SNX29: variants seen among roughly 807,000 people sequenced by gnomAD.
SNX29 encodes the protein sorting nexin 29, also known as sorting nexin-29.
Under a neutral mutation model 102.1 loss-of-function variants are expected in SNX29, and 78 were observed. That is an observed-to-expected ratio of 0.76 (90% CI 0.64 to 0.92). The LOEUF is 0.92. Ranked by LOEUF, SNX29 falls within the 40% of genes least tolerant of loss-of-function variation. SNX29 has a pLI of 0.00. For synonymous variants in SNX29, 580 were observed against 414.5 expected, an observed-to-expected ratio of 1.40 and a Z score of -4.85; for missense variants, 1,280 against 1,061.7, an observed-to-expected ratio of 1.21 and a Z score of -2.86.
Position 12,017,624 on chromosome 16 carries a change from T to C in SNX29, c.123-9696T>C, listed in dbSNP as rs142695589. On this transcript the variant is annotated intron_variant, in intron 3 of 20. Coordinates refer to ENST00000566228, the MANE Select transcript of SNX29 (RefSeq NM_032167.5). ...CATCTTATCCTCAGATTCTTCAGTA[T>C]TTTTCTCAGTTATTTTTACTGTAAA... is the stretch of plus-strand genomic sequence containing the variant. Among the ~76,000 whole-genome samples, 181 of 152,328 alleles carry C rather than the reference T, an allele frequency of 1.2e-3. 1 individual carries two copies. Among genetic ancestry groups the C allele is most frequent in the African/African-American group, 3.9e-3 (164 of 41,592 alleles).
chr16:12,337,080 C>T (rs1361350975), intron 15 of SNX29, among the ~76,000 whole-genome samples: 1 of 152,156 alleles, frequency 6.6e-6, no homozygotes, highest in East Asian at 1.9e-4. Context: ...TCTTGGGCAG[C>T]AGGTAGTGCT....
Position 12,216,163 on chromosome 16 carries a change from A to G in SNX29, c.1678+16480A>G, listed in dbSNP as rs936478440. Among the ~76,000 whole-genome samples, 6 of 152,382 alleles carry G rather than the reference A, an allele frequency of 3.9e-5. No individual in the cohort carries two copies. In the South Asian group the frequency reaches 1.2e-3, roughly 32 times the overall value. ...AAAATTATATTCATTATAGAAAATT[A>G]AAGAAGATAGACACAAGAGAAAAAG... On this transcript the variant is annotated intron_variant, in intron 14 of 20. Coordinates refer to ENST00000566228, the MANE Select transcript of SNX29 (RefSeq NM_032167.5).
chr16:12,435,311 T>C (rs2085488439), intron 18 of SNX29, among the ~76,000 whole-genome samples: 1 of 152,204 alleles, frequency 6.6e-6, no homozygotes, highest in African/African-American at 2.4e-5. Flanking sequence ...ACTTCTGCCT[T>C]ACAACTGTTT....
At chr16:12,478,395 A>T (rs2087755527) in intron 19 of SNX29, among the ~76,000 whole-genome samples, 1 of 152,054 alleles carries the variant, frequency 6.6e-6, no homozygotes, top group Admixed American at 6.6e-5. Flanking sequence ...TTCTCAGAGG[A>T]GTTTGTTGTT....
chr16:11,987,202 C>T (rs2055664096), intron 1 of SNX29, among the ~76,000 whole-genome samples: 1 of 151,782 alleles, frequency 6.6e-6, no homozygotes, highest in Non-Finnish European at 1.5e-5. Context: ...GAGGCTGGGA[C>T]TACAGGTGTG....
At chr16:12,215,623 C>T (rs1023408578) in intron 14 of SNX29, among the ~76,000 whole-genome samples, 2 of 152,122 alleles carry the variant, frequency 1.3e-5, no homozygotes, top group African/African-American at 2.4e-5. Flanking sequence ...GGCAGGTGGA[C>T]CTTGAGTCCT....
At chr16:12,548,092 T>C (rs1282469399) in intron 20 of SNX29, among the ~76,000 whole-genome samples, 1 of 152,212 alleles carries the variant, frequency 6.6e-6, no homozygotes, top group Non-Finnish European at 1.5e-5. Context: ...AAGATGTTGC[T>C]AAGGGACATT....
intron 15 of SNX29, among the ~76,000 whole-genome samples, chr16:12,338,902 A>G (rs1201347805): frequency 6.6e-6 from 1 of 152,250 alleles, no homozygotes; most frequent in Non-Finnish European, 1.5e-5. Context: ...CAGTGTTTCC[A>G]GATGGAGGAT....
At chr16:12,352,454 C>T (rs2082015797) in intron 15 of SNX29, among the ~76,000 whole-genome samples, 1 of 152,102 alleles carries the variant, frequency 6.6e-6, no homozygotes, top group Non-Finnish European at 1.5e-5. Context: ...CAACATGGCA[C>T]ATGTATACAT....
intron 15 of SNX29, among the ~76,000 whole-genome samples, chr16:12,313,155 A>G (rs1685638183): frequency 1.3e-5 from 2 of 151,794 alleles, no homozygotes; most frequent in African/African-American, 4.8e-5. Flanking sequence ...CTGGGACTAT[A>G]GGCGCCCACC....
intron 18 of SNX29, among the ~76,000 whole-genome samples, chr16:12,452,964 G>A (rs986967970): frequency 1.3e-5 from 2 of 152,268 alleles, no homozygotes; most frequent in East Asian, 1.9e-4. Flanking sequence ...GGTGGACTTC[G>A]TCTTGGCTAG....
At chr16:12,124,166 G>A (rs1008464638) in intron 11 of SNX29, among the ~76,000 whole-genome samples, 2 of 152,086 alleles carry the variant, frequency 1.3e-5, no homozygotes, top group African/African-American at 4.8e-5. Flanking sequence ...GACCAACCTG[G>A]CCAACATGGT....
chr16:12,210,043 C>G (rs1322584592), intron 14 of SNX29, among the ~76,000 whole-genome samples: 1 of 152,196 alleles, frequency 6.6e-6, no homozygotes, highest in African/African-American at 2.4e-5. Flanking sequence ...TAATCAGTAT[C>G]CATTCCCCCT....
intron 13 of SNX29, among the ~76,000 whole-genome samples, chr16:12,136,086 C>T (rs574531801): frequency 6.6e-6 from 1 of 152,346 alleles, no homozygotes; most frequent in East Asian, 1.9e-4. Flanking sequence ...GCCAGCCTTG[C>T]GGTTACTCTC....
In SNX29 at chr16:12,564,605, G is replaced by T. The variant is rs532925776; in HGVS notation, c.2319-3901G>T. Among the ~76,000 whole-genome samples, 22 of 152,102 alleles carry T rather than the reference G, an allele frequency of 1.4e-4. No homozygotes were observed. The South Asian group carries it at 4.0e-3, about 27-fold the overall frequency. ...GCCCCTTTTTCTTGTTTGTGAAACT[G>T]TAACAGACCTAGTCCCAGCATTAAC... is the stretch of plus-strand genomic sequence containing the variant. On this transcript the variant is annotated intron_variant, in intron 20 of 20. Transcript: ENST00000566228.
intron 18 of SNX29, among the ~76,000 whole-genome samples, chr16:12,414,659 C>T (rs574393768): frequency 2.5e-4 from 38 of 152,306 alleles, no homozygotes; most frequent in African/African-American, 8.7e-4. Context: ...CCTGCAAAGA[C>T]ATTTTCCTGC....
intron 18 of SNX29, among the ~76,000 whole-genome samples, chr16:12,406,045 C>G (rs57982830): frequency 2.0e-5 from 3 of 150,216 alleles, no homozygotes; most frequent in African/African-American, 7.3e-5. Context: ...AAAAAGAAAA[C>G]AAGTATGCTA....
At chr16:12,442,208 T>C (rs1156639420) in intron 18 of SNX29, among the ~76,000 whole-genome samples, 1 of 152,228 alleles carries the variant, frequency 6.6e-6, no homozygotes, top group Non-Finnish European at 1.5e-5. Context: ...CTTGGCACTC[T>C]TGTCAAAAAC....
rs1411211272 is a variant in SNX29 at position 12,476,421 on chromosome 16, T to TATATATATATATAC, written c.2038-1285_2038-1284insCATATATATATATA. Among the ~76,000 whole-genome samples, 186 of 51,844 alleles carry TATATATATATATAC rather than the reference T, an allele frequency of 3.6e-3. 2 individuals are homozygous for TATATATATATATAC. Among genetic ancestry groups the TATATATATATATAC allele is most frequent in the Middle Eastern group, 0.021 (1 of 48 alleles). 34.0% of individuals were successfully genotyped at this position (51,844 alleles called of 152,430 possible). ...ATATATATATATATATACATATATA[T>TATATATATATATAC]ATATATATATATATATATATATGAT... On this transcript the variant is annotated intron_variant, in intron 18 of 20. Coordinates refer to ENST00000566228, the MANE Select transcript of SNX29 (RefSeq NM_032167.5).
Sources: allele counts gnomAD v4.1 joint callset (sites outside exome capture counted in the v4.1 genomes callset), GRCh38; gene constraint gnomAD v4.1.1; transcripts MANE v1.5; gene names NCBI Gene and HGNC (gene_info 2026-07-23, HGNC 2026-07-21).